Variants in SPART observed in about 807,000 individuals in gnomAD.
SPART encodes the protein spastic paraplegia 20 (Troyer syndrome).
In SPART, 35 loss-of-function variants were observed where a neutral mutation model predicts 58.7. The ratio of observed to expected loss-of-function variants is 0.60; its 90% CI spans 0.46 to 0.79. SPART has a LOEUF of 0.79. SPART is among the 30% of genes least tolerant of loss of function. The pLI is 0.00. For synonymous variants in SPART, 284 were observed against 280.7 expected (o/e 1.01, Z -0.12); for missense variants, 730 against 786.1 (o/e 0.93, Z 0.85).
In SPART at chr13:36,314,299, G is replaced by C; in HGVS notation, c.1411C>G (p.Pro471Ala). The C allele has an allele frequency of 6.2e-7, 1 of 1,614,054 alleles. No individual in the cohort carries two copies. The highest frequency in any genetic ancestry group is 8.5e-7 in the Non-Finnish European group (1 of 1,180,018). ...ATATAAAGTCCCTTGGTGACAGCTG[G>C]ACTAACTTCCACGGGTTTTTCTTCT... is the stretch of plus-strand genomic sequence containing the variant. ...QPEEKPVEVS[P>A]AVTKGLYIAK... The change falls in exon 6 of 9, where the codon CCA becomes GCA. Residue 471 changes from proline (P) to alanine (A), a missense_variant. Physicochemically the swap from Pro to Ala is conservative, Grantham distance 27 (BLOSUM62 -1). Coordinates refer to ENST00000438666, the MANE Select transcript of SPART (RefSeq NM_015087.5).
chr13:36,342,340 T>C (rs1372376349), intron 1 of SPART, among the ~76,000 whole-genome samples: 1 of 152,170 alleles, frequency 6.6e-6, no homozygotes, highest in Non-Finnish European at 1.5e-5. Flanking sequence ...AATTAAGAAT[T>C]ACTTTTACAT....
At chr13:36,317,746 T>C (rs1305090772) in intron 5 of SPART, among the ~76,000 whole-genome samples, 2 of 151,956 alleles carry the variant, frequency 1.3e-5, no homozygotes, top group African/African-American at 2.4e-5. Flanking sequence ...TTGGCCTGTG[T>C]TCTCAAAAAC....
chr13:36,329,543 C>T (rs1883268921), intron 3 of SPART, 26 bp from the exon 4 acceptor site: 2 of 1,613,228 alleles, frequency 1.2e-6, no homozygotes, highest in African/African-American at 1.3e-5. Context: ...TTAAGCTTAA[C>T]TCTAATCAGA....
intron 5 of SPART, among the ~76,000 whole-genome samples, chr13:36,317,607 G>A (rs953113745): frequency 8.8e-5 from 13 of 147,478 alleles, no homozygotes; most frequent in South Asian, 2.1e-4. Flanking sequence ...TTATCTCTGC[G>A]CCCCAACCCC....
intron 1 of SPART, among the ~76,000 whole-genome samples, chr13:36,339,141 G>A (rs1018443657): frequency 6.6e-6 from 1 of 151,078 alleles, no homozygotes; most frequent in Admixed American, 6.6e-5. Context: ...AGAAAATATC[G>A]CATCCATAAA....
intron 2 of SPART, among the ~76,000 whole-genome samples, chr13:36,334,454 A>G (rs1051828937): frequency 2.6e-5 from 4 of 152,018 alleles, no homozygotes; most frequent in African/African-American, 9.7e-5. Context: ...TTTTTTGTTC[A>G]TGAGGGCTGT....
At position 36,307,432 on chromosome 13, in the gene SPART, A is replaced by C. The variant is rs1201766687; in HGVS notation, c.1734-2800T>G. On this transcript the variant is annotated intron_variant, in intron 8 of 8. Transcript: ENST00000438666. ...TAATTAAATTTCACTAAACAAACCA[A>C]TAAATCAGCTACACTTAACTATAGC... 2.0e-5 allele frequency among the ~76,000 whole-genome samples: 3 copies of C among 152,252 alleles called. No individual in the cohort carries two copies. In the East Asian group the frequency reaches 5.8e-4, roughly 29 times the overall value.
intron 1 of SPART, among the ~76,000 whole-genome samples, chr13:36,366,437 T>C (rs769842531): frequency 6.6e-6 from 1 of 152,216 alleles, no homozygotes; most frequent in Non-Finnish European, 1.5e-5. Flanking sequence ...GATAACTTTA[T>C]ATTTCTCTCC....
intron 1 of SPART, chr13:36,360,586 CT>C (rs1295458433): frequency 1.3e-5 from 2 of 152,572 alleles, no homozygotes; most frequent in Non-Finnish European, 2.9e-5. Flanking sequence ...GTGCTAGGCA[CT>C]TTGTATACAG....
chr13:36,335,924 G>A, intron 1 of SPART, 92 bp from the exon 2 acceptor site: 1 of 1,015,700 alleles, frequency 9.8e-7, no homozygotes, highest in Non-Finnish European at 1.5e-6. Context: ...AAGAGGACAA[G>A]TGCCTCGCTT....
intron 1 of SPART, among the ~76,000 whole-genome samples, chr13:36,336,690 T>C (rs1034018565): frequency 4.6e-5 from 7 of 152,174 alleles, no homozygotes; most frequent in African/African-American, 1.4e-4. Flanking sequence ...TGCAGGTATA[T>C]AACCAAGAGA....
chr13:36,304,621 T>C lies in SPART; in HGVS notation c.1745A>G (p.Asn582Ser). The part of the protein sequence containing the change: ...VQTVRYKYGY[N>S]AGEATHHAVD... ...CGCATGGTGGGTAGCTTCTCCTGCA[T>C]TATATCCGTATCTTTAAAAGAAAGA... The change falls in exon 9 of 9, where the codon AAT becomes AGT. Residue 582 changes from asparagine (N) to serine (S), a missense_variant. Physicochemically the swap from Asn to Ser is conservative, Grantham distance 46 (BLOSUM62 1). Coordinates refer to ENST00000438666, the MANE Select transcript of SPART (RefSeq NM_015087.5). 6.2e-7 allele frequency: 1 copy of C among 1,614,000 alleles called. No homozygotes were observed. Among genetic ancestry groups the C allele is most frequent in the Non-Finnish European group, 8.5e-7 (1 of 1,179,944 alleles).
chr13:36,362,370 C>A (rs1434222811), intron 1 of SPART, among the ~76,000 whole-genome samples: 34 of 62,070 alleles, frequency 5.5e-4, no homozygotes, highest in East Asian at 9.3e-4. Flanking sequence ...AAAAAAAATA[C>A]CCATGTTATG....
chr13:36,358,237 T>C (rs1885698325), intron 1 of SPART, among the ~76,000 whole-genome samples: 1 of 152,228 alleles, frequency 6.6e-6, no homozygotes, highest in Non-Finnish European at 1.5e-5. Context: ...TTTTTGTTAT[T>C]CAATCATATT....
At chr13:36,337,467 T>C (rs764103823) in intron 1 of SPART, among the ~76,000 whole-genome samples, 2 of 152,224 alleles carry the variant, frequency 1.3e-5, no homozygotes, top group Non-Finnish European at 2.9e-5. Context: ...GCTGTTCTCC[T>C]GATAGTGAGT....
intron 5 of SPART, among the ~76,000 whole-genome samples, chr13:36,321,175 A>G (rs948775053): frequency 6.6e-6 from 1 of 152,130 alleles, no homozygotes; most frequent in Non-Finnish European, 1.5e-5. Context: ...AAAACCTGTC[A>G]TCCCTACTAT....
At chr13:36,308,957 T>TA (rs1880793470) in intron 8 of SPART, among the ~76,000 whole-genome samples, 1 of 152,148 alleles carries the variant, frequency 6.6e-6, no homozygotes, top group Non-Finnish European at 1.5e-5. Flanking sequence ...GTAAAACTGA[T>TA]ACTCTGGCCA....
At chr13:36,369,742 C>G (rs1443152539) in intron 1 of SPART, 1 of 152,264 alleles carries the variant, frequency 6.6e-6, no homozygotes, top group Non-Finnish European at 1.5e-5. Flanking sequence ...CATTTTCCCT[C>G]ATTGCCCTCT....
At chr13:36,332,537 GCACT>G (rs997880258) in intron 2 of SPART, among the ~76,000 whole-genome samples, 4 of 152,110 alleles carry the variant, frequency 2.6e-5, no homozygotes, top group African/African-American at 9.7e-5. Context: ...AAGAAATTCA[GCACT>G]CACTCACAAC....
Sources: gnomAD v4.1 joint callset for allele counts (sites outside exome capture counted in the v4.1 genomes callset) on GRCh38, gnomAD v4.1.1 for gene constraint, MANE v1.5 for transcripts, NCBI Gene and HGNC (gene_info 2026-07-23, HGNC 2026-07-21) for gene names.